Variants in LYPLAL1 observed in about 807,000 individuals in gnomAD.
The protein encoded by LYPLAL1 is lysophospholipase-like protein 1.
LYPLAL1 carries 23 observed loss-of-function variants against 19.7 expected under a neutral mutation model. The ratio of observed to expected loss-of-function variants is 1.17; its 90% CI spans 0.84 to 1.65. The LOEUF is 1.65. Among genes scored for constraint, LYPLAL1 ranks in the 40% most tolerant of loss-of-function variants. LYPLAL1 has a pLI of 0.00. For missense variants in LYPLAL1, 355 were observed against 279.4 expected, an observed-to-expected ratio of 1.27 and a Z score of -1.93; for synonymous variants, 119 against 96.3, an observed-to-expected ratio of 1.24 and a Z score of -1.38.
the LYPLAL1 span, among the ~76,000 whole-genome samples, chr1:219,390,247 T>C: frequency 6.6e-6 from 1 of 152,142 alleles, no homozygotes; most frequent in Non-Finnish European, 1.5e-5. Flanking sequence ...TCAAAGTCTC[T>C]CCCTGCCTTC....
the LYPLAL1 span, among the ~76,000 whole-genome samples, chr1:219,419,990 C>G: frequency 6.6e-6 from 1 of 152,334 alleles, no homozygotes; most frequent in East Asian, 1.9e-4. Flanking sequence ...ACCAGGTCCC[C>G]TTGCTTGGGA....
chr1:219,381,542 T>C, the LYPLAL1 span, among the ~76,000 whole-genome samples: 1 of 152,190 alleles, frequency 6.6e-6, no homozygotes, highest in Non-Finnish European at 1.5e-5. Context: ...TTCTTCACAT[T>C]CCTGACACAT....
At chr1:219,199,547 A>G (rs923287327) in intron 3 of LYPLAL1, among the ~76,000 whole-genome samples, 3 of 151,754 alleles carry the variant, frequency 2.0e-5, no homozygotes, top group Admixed American at 6.6e-5. Context: ...GGTTCAAGCA[A>G]TTCTCCTGTC....
At chr1:219,312,082 G>A in the LYPLAL1 span, among the ~76,000 whole-genome samples, 4 of 152,172 alleles carry the variant, frequency 2.6e-5, 1 homozygote, top group African/African-American at 9.7e-5. Flanking sequence ...GATGTGAAAG[G>A]AAAGAGGAAG....
chr1:219,405,015 CT>C, the LYPLAL1 span, among the ~76,000 whole-genome samples: 2 of 152,268 alleles, frequency 1.3e-5, no homozygotes, highest in South Asian at 2.1e-4. Flanking sequence ...TAACTTTCAC[CT>C]TTTATTAATC....
At chr1:219,363,464 AC>A in the LYPLAL1 span, among the ~76,000 whole-genome samples, 1 of 152,216 alleles carries the variant, frequency 6.6e-6, no homozygotes, top group Middle Eastern at 3.4e-3. Context: ...ATTTTCTTTT[AC>A]CTTTTTTTGA....
At chr1:219,265,862 A>G in the LYPLAL1 span, among the ~76,000 whole-genome samples, 3 of 152,162 alleles carry the variant, frequency 2.0e-5, no homozygotes, top group Admixed American at 1.3e-4. Flanking sequence ...AAACATAGCT[A>G]AACACAGAAA....
At chr1:219,241,134 CTA>C in the LYPLAL1 span, among the ~76,000 whole-genome samples, 449 of 44,300 alleles carry the variant, frequency 0.01, 6 homozygotes, top group African/African-American at 0.023. Flanking sequence ...CTCTCTCTCT[CTA>C]TATATATATA....
In LYPLAL1 at chr1:219,193,020, G is replaced by A. The variant is rs1366722832; in HGVS notation, c.192-62G>A. The A allele has an allele frequency of 2.1e-6, 3 of 1,411,584 alleles. No homozygotes were observed. The East Asian group carries it at 7.6e-5, about 36-fold the overall frequency. The allele number at this position is 1,411,584 out of a possible 1,614,324, so 87.4% of individuals were successfully genotyped here. On this transcript the variant is annotated intron_variant, in intron 2 of 4. Transcript: ENST00000366928. The stretch of plus-strand genomic sequence containing the variant: ...AAACACTATTATTTTGGTAATTAAA[G>A]CATCCATTTTCATATTCCCTTTTCC...
intron 3 of LYPLAL1, among the ~76,000 whole-genome samples, chr1:219,199,715 C>T (rs779573160): frequency 9.4e-5 from 14 of 148,424 alleles, no homozygotes; most frequent in Non-Finnish European, 1.5e-4. Flanking sequence ...CCTGGGTTCA[C>T]GCCATTCTCC....
At chr1:219,307,038 A>ATATATG in the LYPLAL1 span, among the ~76,000 whole-genome samples, 4 of 36,646 alleles carry the variant, frequency 1.1e-4, no homozygotes, top group African/African-American at 2.1e-4. Context: ...ATATATATAT[A>ATATATG]TATGTATATA....
At chr1:219,188,714 C>G (rs1276949542) in intron 2 of LYPLAL1, among the ~76,000 whole-genome samples, 8 of 145,402 alleles carry the variant, frequency 5.5e-5, no homozygotes, top group Non-Finnish European at 9.1e-5. Context: ...ACATTTTATT[C>G]TAGCTTAATA....
At chr1:219,312,669 G>T in the LYPLAL1 span, among the ~76,000 whole-genome samples, 1 of 152,178 alleles carries the variant, frequency 6.6e-6, no homozygotes, top group African/African-American at 2.4e-5. Context: ...AAGCATTTTT[G>T]TGGGCACCTT....
At chr1:219,379,818 C>T in the LYPLAL1 span, among the ~76,000 whole-genome samples, 6 of 152,304 alleles carry the variant, frequency 3.9e-5, no homozygotes, top group Admixed American at 1.3e-4. Context: ...TCAGTTCTTT[C>T]AGGATGCTGT....
chr1:219,336,678 A>G, the LYPLAL1 span, among the ~76,000 whole-genome samples: 7 of 151,978 alleles, frequency 4.6e-5, no homozygotes, highest in Non-Finnish European at 1.0e-4. Context: ...TTGCCATAAA[A>G]TCATTGTTGG....
the LYPLAL1 span, among the ~76,000 whole-genome samples, chr1:219,386,305 A>T: frequency 1.3e-5 from 2 of 152,206 alleles, no homozygotes. Flanking sequence ...TTCTGCATTA[A>T]GAGAAAGTGA....
the LYPLAL1 span, among the ~76,000 whole-genome samples, chr1:219,251,631 G>A: frequency 6.6e-6 from 1 of 151,810 alleles, no homozygotes; most frequent in African/African-American, 2.4e-5. Context: ...TGTTTCATTG[G>A]CCTGTGTGCC....
At chr1:219,326,132 T>G in the LYPLAL1 span, among the ~76,000 whole-genome samples, 2 of 152,084 alleles carry the variant, frequency 1.3e-5, no homozygotes, top group African/African-American at 4.8e-5. Flanking sequence ...CAGGCTGGTC[T>G]CAAACTCCTG....
chr1:219,327,902 A>G, the LYPLAL1 span, among the ~76,000 whole-genome samples: 3 of 152,202 alleles, frequency 2.0e-5, no homozygotes, highest in African/African-American at 7.2e-5. Context: ...AACTGAGTCC[A>G]TTAAACCTCT....
Sources: gnomAD v4.1 joint callset for allele counts (sites outside exome capture counted in the v4.1 genomes callset) on GRCh38, gnomAD v4.1.1 for gene constraint, MANE v1.5 for transcripts, NCBI Gene and HGNC (gene_info 2026-07-23, HGNC 2026-07-21) for gene names.